The following GABRB2 variants were observed in gnomAD, a reference collection of about 807,000 sequenced individuals.
GABRB2 encodes the protein gamma-aminobutyric acid receptor subunit beta-2.
Under a neutral mutation model 54.7 loss-of-function variants are expected in GABRB2, and 16 were observed. The observed-to-expected ratio is 0.29, with a 90% CI of 0.20 to 0.44. GABRB2 has a LOEUF of 0.44. Among genes scored for constraint, GABRB2 ranks in the 20% least tolerant of loss-of-function variants. GABRB2 has a pLI of 1.00. For synonymous variants in GABRB2, 244 were observed against 233.8 expected (o/e 1.04, Z -0.40); for missense variants, 355 against 644.0 (o/e 0.55, Z 4.86).
At chr5:161,512,450 A>G (rs1759803593) in intron 3 of GABRB2, among the ~76,000 whole-genome samples, 5 of 152,074 alleles carry the variant, frequency 3.3e-5, no homozygotes, top group Admixed American at 3.3e-4. Flanking sequence ...AAAGTCAATG[A>G]AAATAAGCAA....
chr5:161,334,657 G>T, intron 7 of GABRB2, 95 bp downstream of exon 7: 1 of 1,293,332 alleles, frequency 7.7e-7, no homozygotes, highest in Non-Finnish European at 1.1e-6. Context: ...GTTGCGTCAT[G>T]CACCACAAAT....
intron 4 of GABRB2, among the ~76,000 whole-genome samples, chr5:161,411,618 T>A (rs1756518901): frequency 6.6e-6 from 1 of 152,172 alleles, no homozygotes; most frequent in Non-Finnish European, 1.5e-5. Context: ...TCCTGAGTAA[T>A]CTGATGTTTT....
rs955296589 is a variant in GABRB2 at position 161,326,246 on chromosome 5, G to A, written c.1191+122C>T. The A allele has an allele frequency of 5.1e-6, 7 of 1,364,052 alleles. No homozygotes were observed. The African/African-American group carries it at 1.0e-4, about 20-fold the overall frequency. The allele number at this position is 1,364,052 out of a possible 1,614,324, so 84.5% of individuals were successfully genotyped here. On this transcript the variant is annotated intron_variant, in intron 9 of 9. Coordinates refer to ENST00000393959, the MANE Select transcript of GABRB2 (RefSeq NM_001371727.1). ...TGAAAAAGTTTTAACTTATCCCCAA[G>A]ACTCTGTGGATACATGTTCATAGGT...
intron 5 of GABRB2, among the ~76,000 whole-genome samples, chr5:161,403,847 T>C (rs911439598): frequency 7.9e-5 from 12 of 152,150 alleles, no homozygotes; most frequent in Non-Finnish European, 1.5e-5. Flanking sequence ...TTCAGATCCA[T>C]GGCAGATTTA....
Position 161,492,425 on chromosome 5 carries a change from C to G in GABRB2, c.238-32581G>C, listed in dbSNP as rs1349012925. ...TGAATTAATGCAGGCCTTAAAAGTT[C>G]TTCTTGCTAATCATCCCATTTCCTT... is the stretch of plus-strand genomic sequence containing the variant. On this transcript the variant is annotated intron_variant, in intron 3 of 9. Transcript: ENST00000393959. 2.0e-5 allele frequency among the ~76,000 whole-genome samples: 3 copies of G among 151,658 alleles called. No individual in the cohort carries two copies. The East Asian group carries it at 5.8e-4, about 30-fold the overall frequency.
rs192506891 is a variant in GABRB2, at chr5:161,321,606, A to C, written c.1191+4762T>G. On this transcript the variant is annotated intron_variant, in intron 9 of 9. Transcript: ENST00000393959. ...TTCCTTAATACCTTGCAAATTGAGGATAAAGTATCTTTCATTTGTCATTAT... is the reference window on the plus strand; with the variant it reads ...TTCCTTAATACCTTGCAAATTGAGGCTAAAGTATCTTTCATTTGTCATTAT... 1.6e-3 allele frequency among the ~76,000 whole-genome samples: 241 copies of C among 152,312 alleles called. 4 individuals are homozygous for C. Among genetic ancestry groups the C allele is most frequent in the Non-Finnish European group, 2.6e-4 (18 of 67,994 alleles).
At chr5:161,471,132 G>C (rs1758427672) in intron 3 of GABRB2, among the ~76,000 whole-genome samples, 1 of 151,932 alleles carries the variant, frequency 6.6e-6, no homozygotes, top group Non-Finnish European at 1.5e-5. Context: ...GTGTTTCATA[G>C]CTGCTCCAGT....
At chr5:161,438,577 G>GA (rs1185618062) in intron 4 of GABRB2, among the ~76,000 whole-genome samples, 1 of 152,172 alleles carries the variant, frequency 6.6e-6, no homozygotes, top group African/African-American at 2.4e-5. Context: ...CAATCCTGGA[G>GA]AAAGAGAGAT....
intron 5 of GABRB2, among the ~76,000 whole-genome samples, chr5:161,395,512 CAGTT>C (rs745394156): frequency 1.4e-4 from 21 of 151,810 alleles, no homozygotes; most frequent in African/African-American, 3.4e-4. Context: ...ATGGAGCTGA[CAGTT>C]AGGAAAAAAA....
At position 161,293,015 on chromosome 5, in the gene GABRB2, C is replaced by T. The variant is rs1432313765; in HGVS notation, c.*1066G>A. ...ATAGGGACAAAAATTGCAGGGACAG[C>T]TGACTTCGTCTGAGAAAAACAATCT... On this transcript the variant is annotated 3_prime_UTR_variant, in exon 10 of 10. Transcript: ENST00000393959. 1.3e-5 allele frequency: 2 copies of T among 152,192 alleles called. No individual in the cohort carries two copies. The highest frequency in any genetic ancestry group is 2.9e-5 in the Non-Finnish European group (2 of 68,022). The allele number at this position is 152,192 out of a possible 1,614,324, so 9.4% of individuals were successfully genotyped here. A position where few individuals can be genotyped will look rare whatever the true frequency, so the allele number is the denominator to read the frequency against.
intron 9 of GABRB2, among the ~76,000 whole-genome samples, chr5:161,296,411 A>G (rs189993176): frequency 1.2e-3 from 178 of 152,312 alleles, no homozygotes; most frequent in Middle Eastern, 3.4e-3. Flanking sequence ...CTACTGAGCA[A>G]TTATAATAAG....
intron 3 of GABRB2, among the ~76,000 whole-genome samples, chr5:161,466,602 A>G (rs1758283424): frequency 6.6e-6 from 1 of 152,038 alleles, no homozygotes; most frequent in Non-Finnish European, 1.5e-5. Context: ...ATTACTTTCC[A>G]TTTACCCTCA....
intron 3 of GABRB2, among the ~76,000 whole-genome samples, chr5:161,462,944 C>T (rs1758155582): frequency 1.3e-5 from 2 of 152,074 alleles, no homozygotes; most frequent in Admixed American, 6.6e-5. Flanking sequence ...CTATCCTTCA[C>T]ATTTGACAAC....
chr5:161,499,298 C>CA (rs769138703), intron 3 of GABRB2, among the ~76,000 whole-genome samples: 1 of 152,118 alleles, frequency 6.6e-6, no homozygotes, highest in African/African-American at 2.4e-5. Flanking sequence ...TATTGTGGCT[C>CA]AAATTATGAG....
intron 9 of GABRB2, among the ~76,000 whole-genome samples, chr5:161,299,562 T>C (rs140922422): frequency 3.0e-4 from 45 of 152,258 alleles, no homozygotes; most frequent in Non-Finnish European, 5.0e-4. Flanking sequence ...TCTGGACATA[T>C]CTGACTTGCT....
chr5:161,508,027 T>C (rs2113396193), intron 3 of GABRB2, among the ~76,000 whole-genome samples: 1 of 152,016 alleles, frequency 6.6e-6, no homozygotes, highest in South Asian at 2.1e-4. Flanking sequence ...TGGAAACATA[T>C]GTATGCAAAA....
At chr5:161,413,251 AT>A (rs1429656168) in intron 4 of GABRB2, among the ~76,000 whole-genome samples, 2 of 152,116 alleles carry the variant, frequency 1.3e-5, no homozygotes, top group Non-Finnish European at 2.9e-5. Context: ...TTGGAAGATT[AT>A]TTTATTACAT....
At chr5:161,309,665 C>T (rs1336237474) in intron 9 of GABRB2, among the ~76,000 whole-genome samples, 1 of 150,200 alleles carries the variant, frequency 6.7e-6, no homozygotes, top group Non-Finnish European at 1.5e-5. Flanking sequence ...GAGTCTCGCT[C>T]TGTTGCTCAG....
intron 3 of GABRB2, among the ~76,000 whole-genome samples, chr5:161,529,332 G>T (rs1281609779): frequency 2.6e-5 from 4 of 151,938 alleles, no homozygotes; most frequent in South Asian, 2.1e-4. Context: ...AAGCTGGCAT[G>T]CTGACTACTA....
Sources: allele counts gnomAD v4.1 joint callset (sites outside exome capture counted in the v4.1 genomes callset), GRCh38; gene constraint gnomAD v4.1.1; transcripts MANE v1.5; gene names NCBI Gene and HGNC (gene_info 2026-07-23, HGNC 2026-07-21).